The following UBASH3B variants were observed in gnomAD, a reference collection of about 807,000 sequenced individuals.
UBASH3B encodes ubiquitin-associated and SH3 domain-containing protein B.
Under a neutral mutation model 83.4 loss-of-function variants are expected in UBASH3B, and 37 were observed. That is an observed-to-expected ratio of 0.44 (90% CI 0.34 to 0.58). The LOEUF (loss-of-function observed/expected upper bound fraction) is 0.58. Among genes scored for constraint, UBASH3B ranks in the 20% least tolerant of loss-of-function variants. The probability of loss-of-function intolerance (pLI) is 0.01; values close to 1 mark genes in which losing one functional copy is unlikely to be tolerated. For synonymous variants in UBASH3B, 304 were observed against 318.3 expected, an observed-to-expected ratio of 0.96 and a Z score of 0.48; for missense variants, 657 against 827.2, an observed-to-expected ratio of 0.79 and a Z score of 2.52.
intron 1 of UBASH3B, among the ~76,000 whole-genome samples, 187 bp downstream of exon 1, chr11:122,656,397 A>T (rs1863364325): frequency 6.6e-6 from 1 of 151,968 alleles, no homozygotes. Context: ...GTGCGGGGGA[A>T]GACGCGGCGC....
rs1591335841 is a variant in UBASH3B, at chr11:122,810,017, T to TA, written c.*134dup. Reference sequence around the variant, plus strand: ...AATTTAGCATATTTCCTTTCACACTTAAAGTTCTTAAGATGAGACTGTGTA... The same window carrying TA: ...AATTTAGCATATTTCCTTTCACACTTAAAAGTTCTTAAGATGAGACTGTGTA... On this transcript the variant is annotated 3_prime_UTR_variant, in exon 14 of 14. Transcript: ENST00000284273. The TA allele has an allele frequency of 1.7e-5, 19 of 1,131,008 alleles. No homozygotes were observed. In the East Asian group the frequency reaches 4.6e-4, roughly 27 times the overall value. The allele number at this position is 1,131,008 out of a possible 1,614,324, so 70.1% of individuals were successfully genotyped here.
chr11:122,696,380 G>C (rs1863966028), intron 1 of UBASH3B, among the ~76,000 whole-genome samples: 1 of 143,800 alleles, frequency 7.0e-6, no homozygotes, highest in Non-Finnish European at 1.5e-5. Context: ...TGTCACCCAG[G>C]CTGGAGTGCA....
chr11:122,738,223 T>G (rs1306444070), intron 1 of UBASH3B, among the ~76,000 whole-genome samples: 1 of 152,228 alleles, frequency 6.6e-6, no homozygotes, highest in Non-Finnish European at 1.5e-5. Context: ...TTGGAACGAT[T>G]GCATTGTATT....
intron 1 of UBASH3B, among the ~76,000 whole-genome samples, chr11:122,657,086 G>A (rs1286100623): frequency 3.3e-5 from 5 of 152,180 alleles, no homozygotes; most frequent in Non-Finnish European, 5.9e-5. Context: ...CCAGCGGCCA[G>A]GCCCTTCTCC....
At chr11:122,770,968 C>T (rs1012592041) in intron 1 of UBASH3B, among the ~76,000 whole-genome samples, 1 of 152,218 alleles carries the variant, frequency 6.6e-6, no homozygotes, top group African/African-American at 2.4e-5. Context: ...ACATGCCTCT[C>T]TAGCTTAATT....
At chr11:122,741,061 C>T (rs78862978) in intron 1 of UBASH3B, among the ~76,000 whole-genome samples, 106 of 152,280 alleles carry the variant, frequency 7.0e-4, no homozygotes, top group African/African-American at 2.2e-3. Context: ...GCCCCAATTA[C>T]GTAAAAGTAT....
At chr11:122,782,124 C>T (rs1860866074) in intron 4 of UBASH3B, among the ~76,000 whole-genome samples, 2 of 151,910 alleles carry the variant, frequency 1.3e-5, no homozygotes, top group African/African-American at 4.8e-5. Context: ...ACCTGTAGTC[C>T]CAGCTACTCA....
Position 122,796,958 on chromosome 11 carries a change from C to T in UBASH3B, c.1282C>T (p.Arg428Trp), listed in dbSNP as rs1347571442. The T allele has an allele frequency of 5.0e-6, 8 of 1,614,066 alleles. No homozygotes were observed. The highest frequency in any genetic ancestry group is 6.8e-6 in the Non-Finnish European group (8 of 1,180,008). ...NLNMPHSLPQRSGGFRDYEKD... is the reference protein window; with the variant it reads ...NLNMPHSLPQWSGGFRDYEKD... The stretch of plus-strand genomic sequence containing the variant: ...GAACATGCCTCATAGTTTACCTCAG[C>T]GGAGTGGTGGTTTCCGAGATTACGA... The change falls in exon 9 of 14, where the codon CGG becomes TGG. Residue 428 changes from arginine to tryptophan, a missense_variant. Around this residue, in one of 3 missense-constraint regions of UBASH3B, gnomAD observed 573 missense variants for 739.0 expected, o/e 0.78. Coordinates refer to ENST00000284273, the MANE Select transcript of UBASH3B (RefSeq NM_032873.5).
At chr11:122,716,098 T>TG (rs1469647288) in intron 1 of UBASH3B, among the ~76,000 whole-genome samples, 29 of 152,256 alleles carry the variant, frequency 1.9e-4, no homozygotes, top group African/African-American at 6.7e-4. Context: ...TGTCCCTCTG[T>TG]GGGGGCAGAA....
chr11:122,793,759 C>A (rs533524381), intron 6 of UBASH3B, among the ~76,000 whole-genome samples: 2 of 152,166 alleles, frequency 1.3e-5, no homozygotes. Flanking sequence ...TCAGAAATGA[C>A]AGTTCTTGGC....
At chr11:122,666,986 C>T (rs1219427530) in intron 1 of UBASH3B, among the ~76,000 whole-genome samples, 1 of 151,674 alleles carries the variant, frequency 6.6e-6, no homozygotes, top group African/African-American at 2.4e-5. Flanking sequence ...CAGTGATCTG[C>T]CCAGGGTCCT....
chr11:122,738,242 T>C (rs7111632), intron 1 of UBASH3B, among the ~76,000 whole-genome samples: 18,921 of 152,126 alleles, frequency 0.12, 3,428 homozygotes, highest in African/African-American at 0.4. Context: ...TTTAGATTGG[T>C]GTCTTAATAC....
chr11:122,725,062 C>T (rs76585783), intron 1 of UBASH3B, among the ~76,000 whole-genome samples: 1,536 of 146,820 alleles, frequency 0.01, 34 homozygotes, highest in African/African-American at 0.038. Flanking sequence ...CCCCCACCCC[C>T]CGATTCAATC....
At chr11:122,691,539 C>T (rs1863897889) in intron 1 of UBASH3B, among the ~76,000 whole-genome samples, 2 of 152,184 alleles carry the variant, frequency 1.3e-5, no homozygotes, top group South Asian at 4.1e-4. Flanking sequence ...TTTTCTCCCA[C>T]CGGGGTGCTG....
chr11:122,763,005 A>C (rs1306777120), intron 1 of UBASH3B, among the ~76,000 whole-genome samples: 1 of 152,184 alleles, frequency 6.6e-6, no homozygotes, highest in Non-Finnish European at 1.5e-5. Context: ...TCATTATTCT[A>C]CCCTGTAAGG....
At chr11:122,732,561 G>A (rs1860860825) in intron 1 of UBASH3B, among the ~76,000 whole-genome samples, 1 of 152,174 alleles carries the variant, frequency 6.6e-6, no homozygotes, top group African/African-American at 2.4e-5. Flanking sequence ...AGGAAGGCTT[G>A]TGTTCTTCCA....
intron 1 of UBASH3B, among the ~76,000 whole-genome samples, chr11:122,702,685 C>T (rs1383159553): frequency 6.6e-6 from 1 of 151,976 alleles, no homozygotes; most frequent in African/African-American, 2.4e-5. Flanking sequence ...CTACCACACC[C>T]GGCAAATTTT....
At chr11:122,761,778 C>A (rs1861373642) in intron 1 of UBASH3B, among the ~76,000 whole-genome samples, 2 of 116,792 alleles carry the variant, frequency 1.7e-5, no homozygotes, top group South Asian at 5.6e-4. Context: ...TCTCCCAGAT[C>A]CTTTTTTTTT....
At chr11:122,767,335 GTC>G (rs57288940) in intron 1 of UBASH3B, among the ~76,000 whole-genome samples, 15 of 151,268 alleles carry the variant, frequency 9.9e-5, no homozygotes, top group Non-Finnish European at 2.9e-5. Context: ...TTGAGATGGA[GTC>G]TCTCTCTCTG....
Sources: allele counts gnomAD v4.1 joint callset (sites outside exome capture counted in the v4.1 genomes callset), GRCh38; gene constraint gnomAD v4.1.1; regional missense constraint gnomAD v4.1.1; transcripts MANE v1.5; gene names NCBI Gene and HGNC (gene_info 2026-07-23, HGNC 2026-07-21).